Variants in NPLOC4 observed in about 807,000 individuals in gnomAD.
NPLOC4 encodes NPL4 homolog, ubiquitin recognition factor, also known as nuclear protein localization protein 4 homolog.
In NPLOC4, 18 loss-of-function variants were observed where a neutral mutation model predicts 80.6. That is an observed-to-expected ratio of 0.22 (90% CI 0.15 to 0.33). The LOEUF (loss-of-function observed/expected upper bound fraction) is 0.33. Among genes scored for constraint, NPLOC4 ranks in the 10% least tolerant of loss-of-function variants. The probability of loss-of-function intolerance (pLI) is 1.00; values close to 1 mark genes in which losing one functional copy is unlikely to be tolerated. For synonymous variants in NPLOC4, 313 were observed against 301.5 expected, an observed-to-expected ratio of 1.04 and a Z score of -0.39; for missense variants, 540 against 786.1, an observed-to-expected ratio of 0.69 and a Z score of 3.74.
At chr17:81,559,958 C>T (rs545736649) in intron 16 of NPLOC4, among the ~76,000 whole-genome samples, 6 of 151,308 alleles carry the variant, frequency 4.0e-5, no homozygotes, top group African/African-American at 1.5e-4. Flanking sequence ...TGGTCTCGAA[C>T]TCCTGACCTC....
chr17:81,580,651 G>A lies in NPLOC4; in HGVS notation c.1281+8293C>T, dbSNP rs940689377. On this transcript the variant is annotated intron_variant, in intron 12 of 16. Coordinates refer to ENST00000331134, the MANE Select transcript of NPLOC4 (RefSeq NM_017921.4). The surrounding 1 kb of genome is among the most constrained non-coding windows in gnomAD (Gnocchi z 4.4). ...CACCTTCTCTCCCCTCTCAGGACTC[G>A]ACCCACCAGGGCACTCCAAGCTTCT... Among the ~76,000 whole-genome samples the A allele has an allele frequency of 6.6e-6, 1 of 152,042 alleles. No homozygotes were observed. Among genetic ancestry groups the A allele is most frequent in the South Asian group, 2.1e-4 (1 of 4,832 alleles).
chr17:81,635,012 A>G (rs2036028282), intron 1 of NPLOC4, among the ~76,000 whole-genome samples: 1 of 152,130 alleles, frequency 6.6e-6, no homozygotes, highest in Admixed American at 6.6e-5. Context: ...ACAACATAGT[A>G]GAGACCTCAT....
At chr17:81,615,164 A>G (rs888770741) in intron 3 of NPLOC4, among the ~76,000 whole-genome samples, 1 of 139,554 alleles carries the variant, frequency 7.2e-6, no homozygotes. Flanking sequence ...CAGTGGCGTG[A>G]TCTTGGCTCA....
rs370935364 is a variant in NPLOC4 at position 81,577,654 on chromosome 17, C to T, written c.1282-5566G>A. Among the ~76,000 whole-genome samples, 35 of 152,298 alleles carry T rather than the reference C, an allele frequency of 2.3e-4. 1 individual carries two copies. The South Asian group carries it at 6.4e-3, about 28-fold the overall frequency. On this transcript the variant is annotated intron_variant, in intron 12 of 16. Transcript: ENST00000331134. The surrounding 1 kb of genome is among the most constrained non-coding windows in gnomAD (Gnocchi z 4.3). ...GCTTCCAGACCTGAGTCCTGGCAAC[C>T]GTCTGTCCTGCTCCATCTTCAAACT...
Position 81,637,034 on chromosome 17 carries a change from C to T in NPLOC4, c.-104G>A, listed in dbSNP as rs1030080988. 35 of 683,588 alleles carry T rather than the reference C, an allele frequency of 5.1e-5. No homozygotes were observed. The highest frequency in any genetic ancestry group is 6.5e-5 in the Non-Finnish European group (33 of 503,958). 42.3% of individuals were successfully genotyped at this position (683,588 alleles called of 1,614,324 possible). A position where few individuals can be genotyped will look rare whatever the true frequency, so the allele number is the denominator to read the frequency against. The stretch of plus-strand genomic sequence containing the variant: ...GGCCTCAGCCCCGGCCCCGGCCTCC[C>T]TACGCCGCCGCCACCGCCGCTCCAG... On this transcript the variant is annotated 5_prime_UTR_variant, in exon 1 of 17. Coordinates refer to ENST00000331134, the MANE Select transcript of NPLOC4 (RefSeq NM_017921.4).
chr17:81,581,539 A>G (rs7405454), intron 12 of NPLOC4, among the ~76,000 whole-genome samples: 35,123 of 152,022 alleles, frequency 0.23, 4,359 homozygotes, highest in Admixed American at 0.3. Flanking sequence ...CATAGGTGCG[A>G]GCAGTGAGGA....
intron 9 of NPLOC4, among the ~76,000 whole-genome samples, chr17:81,599,138 A>C (rs987622180): frequency 1.3e-5 from 2 of 152,038 alleles, no homozygotes; most frequent in African/African-American, 4.8e-5. Context: ...AAAATACAAA[A>C]ATTAACTGGG....
chr17:81,575,771 C>G (rs1478099611), intron 12 of NPLOC4, among the ~76,000 whole-genome samples: 1 of 152,236 alleles, frequency 6.6e-6, no homozygotes, highest in African/African-American at 2.4e-5. Flanking sequence ...CAACAGCCGT[C>G]TCACACTGAG....
chr17:81,614,261 G>A (rs550764570), intron 3 of NPLOC4: 1 of 112,446 alleles, frequency 8.9e-6, no homozygotes, highest in Non-Finnish European at 1.7e-5. Context: ...TGGTGACAGA[G>A]GGAGGCTCCA....
At position 81,613,388 on chromosome 17, in the gene NPLOC4, C is replaced by A. The variant is rs1253097997; in HGVS notation, c.316G>T (p.Val106Leu). ...GFKVFGAPNV[V>L]EDEIDQYLSK... ...AGGTACTGATCAATCTCATCCTCCACCACGTTGGGAGCGCCAAAGACTTTG... is the reference window on the plus strand; with the variant it reads ...AGGTACTGATCAATCTCATCCTCCAACACGTTGGGAGCGCCAAAGACTTTG... The change falls in exon 4 of 17, where the codon GTG becomes TTG. Residue 106 changes from valine (V) to leucine (L), a missense_variant. Val to Leu is a conservative substitution (Grantham distance 32). Around this residue, in one of 6 missense-constraint regions of NPLOC4, gnomAD observed 74 missense variants for 75.7 expected, o/e 0.98. Transcript: ENST00000331134. The A allele has an allele frequency of 1.9e-6, 3 of 1,613,986 alleles. No individual in the cohort carries two copies. Among genetic ancestry groups the A allele is most frequent in the Non-Finnish European group, 2.5e-6 (3 of 1,179,900 alleles).
intron 8 of NPLOC4, among the ~76,000 whole-genome samples, chr17:81,602,562 G>C (rs909823880): frequency 1.3e-5 from 2 of 151,950 alleles, no homozygotes; most frequent in African/African-American, 4.8e-5. Flanking sequence ...AATTAGCCAG[G>C]CGTGGTGGCG....
rs576790194 is a variant in NPLOC4 at position 81,631,730 on chromosome 17, C to T, written c.16-1925G>A. On this transcript the variant is annotated intron_variant, in intron 1 of 16. Coordinates refer to ENST00000331134, the MANE Select transcript of NPLOC4 (RefSeq NM_017921.4). Reference sequence around the variant, plus strand: ...TAAGTGTCCTAGCTTCTCCTCTCAGCAAAGACTGATGGTGCATTCTATAGC... The same window carrying T: ...TAAGTGTCCTAGCTTCTCCTCTCAGTAAAGACTGATGGTGCATTCTATAGC... 7.9e-5 allele frequency among the ~76,000 whole-genome samples: 12 copies of T among 152,168 alleles called. No individual in the cohort carries two copies. The South Asian group carries it at 2.5e-3, about 32-fold the overall frequency.
chr17:81,590,103 CCT>C lies in NPLOC4; in HGVS notation c.1121-1001_1121-1000del, dbSNP rs546043877. ...AGTCATGGTATTGTATACACAGCAGCCTCTGTCTTCCAGAAACCTACACGGCC... is the reference window on the plus strand; with the variant it reads ...AGTCATGGTATTGTATACACAGCAGCCTGTCTTCCAGAAACCTACACGGCC... On this transcript the variant is annotated intron_variant, in intron 11 of 16. Coordinates refer to ENST00000331134, the MANE Select transcript of NPLOC4 (RefSeq NM_017921.4). 5.3e-5 allele frequency among the ~76,000 whole-genome samples: 8 copies of C among 152,288 alleles called. No individual in the cohort carries two copies. The South Asian group carries it at 8.3e-4, about 16-fold the overall frequency.
At position 81,589,091 on chromosome 17, in the gene NPLOC4, G is replaced by A. The variant is rs1242669476; in HGVS notation, c.1134C>T (p.Asn378=). 6.2e-7 allele frequency: 1 copy of A among 1,613,028 alleles called. No homozygotes were observed. Among genetic ancestry groups the A allele is most frequent in the South Asian group, 1.1e-5 (1 of 90,940 alleles). ...VTAVATGGPD[N]QVHFEGYQVS... ...CCTGGTACCCTTCAAAGTGGACTTGGTTGTCAGGACCACCTGCAAGAGAGA... is the reference window on the plus strand; with the variant it reads ...CCTGGTACCCTTCAAAGTGGACTTGATTGTCAGGACCACCTGCAAGAGAGA... Residue 378 remains asparagine, a synonymous_variant, in exon 12 of 17, where the codon AAC becomes AAT. Transcript: ENST00000331134.
At chr17:81,629,631 A>G in intron 2 of NPLOC4, 94 bp downstream of exon 2, 1 of 995,920 alleles carries the variant, frequency 1.0e-6, no homozygotes, top group African/African-American at 1.6e-5. Context: ...GGAATAGGGA[A>G]AATAAGAAAA....
chr17:81,588,786 C>T (rs1448528590), intron 12 of NPLOC4, among the ~76,000 whole-genome samples, 158 bp downstream of exon 12: 1 of 152,228 alleles, frequency 6.6e-6, no homozygotes, highest in African/African-American at 2.4e-5. Context: ...AGCGAATATC[C>T]AGCCCCAGAA....
chr17:81,611,112 G>C (rs1040875428), intron 4 of NPLOC4, among the ~76,000 whole-genome samples: 1 of 152,000 alleles, frequency 6.6e-6, no homozygotes, highest in South Asian at 2.1e-4. Context: ...CTGAGGTCAG[G>C]AGTTAAAGAC....
intron 9 of NPLOC4, among the ~76,000 whole-genome samples, chr17:81,599,026 C>T (rs954698748): frequency 3.3e-5 from 5 of 152,342 alleles, no homozygotes; most frequent in South Asian, 4.1e-4. Flanking sequence ...CGGTGGCTCA[C>T]GCCCATAATC....
intron 11 of NPLOC4, among the ~76,000 whole-genome samples, chr17:81,590,556 G>A (rs528278874): frequency 1.3e-5 from 2 of 152,152 alleles, no homozygotes; most frequent in East Asian, 1.9e-4. Flanking sequence ...ATGTTACCCA[G>A]GCTGGTCTCT....
Sources: allele counts gnomAD v4.1 joint callset (sites outside exome capture counted in the v4.1 genomes callset), GRCh38; gene constraint gnomAD v4.1.1; regional missense constraint gnomAD v4.1.1; non-coding constraint Gnocchi (gnomAD v3.1); transcripts MANE v1.5; gene names NCBI Gene and HGNC (gene_info 2026-07-23, HGNC 2026-07-21).